Variants in BACH2 observed in about 807,000 individuals in gnomAD.
BACH2 encodes BACH transcriptional regulator 2, also known as transcription regulator protein BACH2.
BACH2 carries 5 observed loss-of-function variants against 61.8 expected under a neutral mutation model. The observed-to-expected ratio is 0.08, with a 90% CI of 0.04 to 0.17. The LOEUF (loss-of-function observed/expected upper bound fraction) is 0.17, where lower values mean the gene tolerates loss of function less well. Ranked by LOEUF, BACH2 falls within the 10% of genes least tolerant of loss-of-function variation. The pLI is 1.00. For synonymous variants in BACH2, 446 were observed against 440.1 expected, an observed-to-expected ratio of 1.01 and a Z score of -0.17; for missense variants, 824 against 1,091.1, an observed-to-expected ratio of 0.76 and a Z score of 3.45.
rs1783851974 is a variant in BACH2 at position 90,126,400 on chromosome 6, C to T, written c.-161-37291G>A. Among the ~76,000 whole-genome samples the T allele has an allele frequency of 2.6e-5, 4 of 152,248 alleles. No individual in the cohort carries two copies. In the South Asian group the frequency reaches 6.2e-4, roughly 24 times the overall value. ...ATGCTCTCAGTGCTACTGGCAGATA[C>T]GGCACGGGCAGAAGAGAAAGCTTTG... is the stretch of plus-strand genomic sequence containing the variant. On this transcript the variant is annotated intron_variant, in intron 4 of 8. Transcript: ENST00000257749.
chr6:90,046,941 C>CTTTCTTTCT (rs1554233900), intron 5 of BACH2, among the ~76,000 whole-genome samples: 1 of 151,828 alleles, frequency 6.6e-6, no homozygotes, highest in East Asian at 1.9e-4. Context: ...TTCTTTCTTT[C>CTTTCTTTCT]TTTTTTTGAG....
At chr6:90,034,301 T>C (rs1007500610) in intron 5 of BACH2, among the ~76,000 whole-genome samples, 4 of 152,170 alleles carry the variant, frequency 2.6e-5, no homozygotes, top group African/African-American at 9.6e-5. Flanking sequence ...TAGTCACTGC[T>C]TTCTCTTAAG....
At chr6:90,027,228 G>A (rs768356366) in intron 5 of BACH2, among the ~76,000 whole-genome samples, 9 of 152,126 alleles carry the variant, frequency 5.9e-5, no homozygotes, top group Non-Finnish European at 1.3e-4. Flanking sequence ...AGAGAACACG[G>A]GGAAAAGGCA....
At chr6:90,099,584 T>A (rs1180410350) in intron 4 of BACH2, among the ~76,000 whole-genome samples, 2 of 152,146 alleles carry the variant, frequency 1.3e-5, no homozygotes, top group African/African-American at 2.4e-5. Context: ...CTAAGAGAGC[T>A]GATATGTTCA....
rs1434924299 is a variant in BACH2, at chr6:90,189,035, TAAACAG to T, written c.-162+17528_-162+17533del. 2.0e-5 allele frequency among the ~76,000 whole-genome samples: 3 copies of T among 152,308 alleles called. No homozygotes were observed. The East Asian group carries it at 5.8e-4, about 29-fold the overall frequency. On this transcript the variant is annotated intron_variant, in intron 4 of 8. Transcript: ENST00000257749. ...AAACAGAGCCAAAATGCTTAAAATTTAAACAGAAACAGAGAGAGTAAATGGCTGTGA... is the reference window on the plus strand; with the variant it reads ...AAACAGAGCCAAAATGCTTAAAATTTAAACAGAGAGAGTAAATGGCTGTGA...
intron 4 of BACH2, among the ~76,000 whole-genome samples, chr6:90,092,291 A>AAAAAAAAAAATATATATAT: frequency 8.8e-6 from 1 of 113,820 alleles, no homozygotes; most frequent in African/African-American, 3.6e-5. Context: ...AAAAAAAAAA[A>AAAAAAAAAAATATATATAT]ATATATATAT....
intron 5 of BACH2, among the ~76,000 whole-genome samples, chr6:90,055,222 T>C (rs1780269565): frequency 6.6e-6 from 1 of 151,996 alleles, no homozygotes. Context: ...TTAAAAGCTT[T>C]GAAAAAAAAT....
intron 4 of BACH2, among the ~76,000 whole-genome samples, chr6:90,140,316 G>C (rs1295150834): frequency 1.3e-5 from 2 of 152,098 alleles, no homozygotes; most frequent in Non-Finnish European, 2.9e-5. Context: ...AAGCTACTTG[G>C]TGTCAAACTA....
At position 90,254,204 on chromosome 6, in the gene BACH2, T is replaced by C. The variant is rs146765154; in HGVS notation, c.-352-1614A>G. On this transcript the variant is annotated intron_variant, in intron 2 of 8. Coordinates refer to ENST00000257749, the MANE Select transcript of BACH2 (RefSeq NM_021813.4). ...AATAGACTATCATCTCAATATCTAG[T>C]ATGAAGCTTGGTAAAGAGTTGATGA... 9.5e-4 allele frequency among the ~76,000 whole-genome samples: 144 copies of C among 151,630 alleles called. 3 individuals carry two copies. In the East Asian group the frequency reaches 0.027, roughly 28 times the overall value.
intron 4 of BACH2, among the ~76,000 whole-genome samples, chr6:90,114,814 G>A (rs1270031383): frequency 4.6e-5 from 7 of 151,952 alleles, no homozygotes; most frequent in African/African-American, 9.7e-5. Flanking sequence ...CAACTTCAAC[G>A]AAGTTGCAGG....
At chr6:90,042,325 T>C (rs1779575746) in intron 5 of BACH2, among the ~76,000 whole-genome samples, 1 of 152,064 alleles carries the variant, frequency 6.6e-6, no homozygotes, top group African/African-American at 2.4e-5. Flanking sequence ...CCCGAATAGC[T>C]GGGACTATGG....
At chr6:90,150,206 T>C (rs1379615632) in intron 4 of BACH2, among the ~76,000 whole-genome samples, 3 of 152,196 alleles carry the variant, frequency 2.0e-5, no homozygotes, top group Non-Finnish European at 2.9e-5. Flanking sequence ...CCAGTGTTTA[T>C]AATCACATGC....
intron 8 of BACH2, 43 bp from the exon 9 acceptor site, chr6:89,932,933 A>T (rs774913468): frequency 6.6e-7 from 1 of 1,520,064 alleles, no homozygotes; most frequent in East Asian, 2.3e-5. Context: ...TCAAGCCTGA[A>T]CTGGAGGACA....
chr6:90,020,489 C>T (rs565789788), intron 5 of BACH2, among the ~76,000 whole-genome samples: 3 of 152,114 alleles, frequency 2.0e-5, no homozygotes, highest in Non-Finnish European at 4.4e-5. Flanking sequence ...ATGCCCTGTG[C>T]CACCTTGGGA....
intron 4 of BACH2, among the ~76,000 whole-genome samples, chr6:90,123,468 G>A (rs1434461622): frequency 6.6e-6 from 1 of 152,176 alleles, no homozygotes; most frequent in African/African-American, 2.4e-5. Context: ...GGCTAGGACA[G>A]CTTATAAGAA....
At chr6:90,290,514 T>G (rs1772145885) in intron 1 of BACH2, among the ~76,000 whole-genome samples, 1 of 152,234 alleles carries the variant, frequency 6.6e-6, no homozygotes, top group Non-Finnish European at 1.5e-5. Flanking sequence ...TCTGGACACT[T>G]GGCCCATTTT....
chr6:90,159,044 A>G (rs1460632145), intron 4 of BACH2, among the ~76,000 whole-genome samples: 7 of 152,174 alleles, frequency 4.6e-5, no homozygotes, highest in African/African-American at 1.7e-4. Context: ...TTCTTTTACC[A>G]CATGGATGGG....
intron 4 of BACH2, among the ~76,000 whole-genome samples, chr6:90,182,225 T>TTCTC (rs150814141): frequency 1.3e-5 from 2 of 151,560 alleles, no homozygotes; most frequent in African/African-American, 2.4e-5. Flanking sequence ...AAAGACACTT[T>TTCTC]TCTCTCTCTC....
At chr6:90,264,018 G>A (rs142434923) in intron 2 of BACH2, among the ~76,000 whole-genome samples, 1 of 152,138 alleles carries the variant, frequency 6.6e-6, no homozygotes, top group Non-Finnish European at 1.5e-5. Flanking sequence ...CCTTGGACTA[G>A]ATAAAGTAAA....
Sources: gnomAD v4.1 joint callset for allele counts (sites outside exome capture counted in the v4.1 genomes callset) on GRCh38, gnomAD v4.1.1 for gene constraint, MANE v1.5 for transcripts, NCBI Gene and HGNC (gene_info 2026-07-23, HGNC 2026-07-21) for gene names.